PIP4K2A: variants seen among roughly 807,000 people sequenced by gnomAD.
PIP4K2A encodes phosphatidylinositol 5-phosphate 4-kinase type-2 alpha.
PIP4K2A carries 14 observed loss-of-function variants against 42.9 expected under a neutral mutation model. The ratio of observed to expected loss-of-function variants is 0.33; its 90% CI spans 0.22 to 0.51. The LOEUF (loss-of-function observed/expected upper bound fraction) is 0.51, where lower values mean the gene tolerates loss of function less well. PIP4K2A is among the 20% of genes least tolerant of loss of function. The probability of loss-of-function intolerance (pLI) is 0.97; values close to 1 mark genes in which losing one functional copy is unlikely to be tolerated. For synonymous variants in PIP4K2A, 192 were observed against 192.2 expected, an observed-to-expected ratio of 1.00 and a Z score of 0.01; for missense variants, 434 against 519.8, an observed-to-expected ratio of 0.83 and a Z score of 1.61.
At chr10:22,623,525 C>T (rs1263544119) in intron 1 of PIP4K2A, among the ~76,000 whole-genome samples, 1 of 152,062 alleles carries the variant, frequency 6.6e-6, no homozygotes, top group Non-Finnish European at 1.5e-5. Flanking sequence ...TGACGAATGC[C>T]CTCCTCAGTC....
chr10:22,617,617 T>A, intron 1 of PIP4K2A, among the ~76,000 whole-genome samples: 1 of 152,214 alleles, frequency 6.6e-6, no homozygotes, highest in East Asian at 1.9e-4. Context: ...TTAATCTGAT[T>A]ATAATGAAGA....
intron 1 of PIP4K2A, among the ~76,000 whole-genome samples, chr10:22,689,123 G>A (rs1355036008): frequency 2.0e-5 from 3 of 152,110 alleles, no homozygotes; most frequent in Non-Finnish European, 4.4e-5. Context: ...GGGTGTCGGA[G>A]GTGGGGGACT....
chr10:22,711,600 A>G (rs1349343423), intron 1 of PIP4K2A, among the ~76,000 whole-genome samples: 2 of 152,284 alleles, frequency 1.3e-5, no homozygotes, highest in African/African-American at 4.8e-5. Flanking sequence ...TAACATGCCC[A>G]AGGTCAACAG....
chr10:22,660,327 C>T (rs183488645), intron 1 of PIP4K2A, among the ~76,000 whole-genome samples: 172 of 152,034 alleles, frequency 1.1e-3, no homozygotes, highest in African/African-American at 3.8e-3. Flanking sequence ...AAAAATTAGC[C>T]GGGTGTGGAA....
At chr10:22,537,752 C>T (rs1835974428) in intron 9 of PIP4K2A, among the ~76,000 whole-genome samples, 1 of 152,218 alleles carries the variant, frequency 6.6e-6, no homozygotes. Flanking sequence ...CCCTTCGTTT[C>T]TGGACAGAGG....
chr10:22,633,170 G>T (rs1033349497), intron 1 of PIP4K2A, among the ~76,000 whole-genome samples: 1 of 152,222 alleles, frequency 6.6e-6, no homozygotes, highest in Non-Finnish European at 1.5e-5. Context: ...TGGCGCAGGG[G>T]ATTCAGATCT....
intron 4 of PIP4K2A, among the ~76,000 whole-genome samples, chr10:22,588,150 C>T (rs1291496283): frequency 6.6e-6 from 1 of 152,190 alleles, no homozygotes; most frequent in Non-Finnish European, 1.5e-5. Context: ...ACGTTTGTGT[C>T]ACCTATACAT....
At chr10:22,596,281 T>C (rs1395878280) in intron 3 of PIP4K2A, among the ~76,000 whole-genome samples, 11 of 146,590 alleles carry the variant, frequency 7.5e-5, no homozygotes, top group Non-Finnish European at 1.3e-4. Context: ...AGCATGGGCC[T>C]CGGAAGGTGA....
intron 6 of PIP4K2A, 88 bp from the exon 7 acceptor site, chr10:22,550,860 T>G (rs1836394654): frequency 1.2e-6 from 1 of 810,126 alleles, no homozygotes; most frequent in African/African-American, 1.7e-5. Flanking sequence ...ACACTGAAGT[T>G]TGCCCCTTTC....
At chr10:22,604,187 GT>G (rs1837855993) in intron 3 of PIP4K2A, among the ~76,000 whole-genome samples, 1 of 152,112 alleles carries the variant, frequency 6.6e-6, no homozygotes, top group African/African-American at 2.4e-5. Context: ...AGATACAAAT[GT>G]TTACTGAGAA....
intron 1 of PIP4K2A, among the ~76,000 whole-genome samples, chr10:22,623,479 A>G (rs1453688300): frequency 6.6e-6 from 1 of 152,204 alleles, no homozygotes; most frequent in Non-Finnish European, 1.5e-5. Context: ...TTCTCTATGT[A>G]CATTATACTA....
chr10:22,664,094 T>TATATATACAC lies in PIP4K2A; in HGVS notation c.144+50088_144+50089insGTGTATATAT, dbSNP rs1265121435. On this transcript the variant is annotated intron_variant, in intron 1 of 9. Coordinates refer to ENST00000376573, the MANE Select transcript of PIP4K2A (RefSeq NM_005028.5). The stretch of plus-strand genomic sequence containing the variant: ...ATATATACGTATATATATATACATA[T>TATATATACAC]ATATATATACATATATATATACATA... 2.3e-5 allele frequency among the ~76,000 whole-genome samples: 2 copies of TATATATACAC among 85,184 alleles called. 1 individual carries two copies. The highest frequency in any genetic ancestry group is 1.7e-4 in the African/African-American group (2 of 11,702). The allele number at this position is 85,184 out of a possible 152,430, so 55.9% of individuals were successfully genotyped here.
At chr10:22,684,931 G>T (rs547844836) in intron 1 of PIP4K2A, among the ~76,000 whole-genome samples, 4 of 152,166 alleles carry the variant, frequency 2.6e-5, no homozygotes, top group African/African-American at 9.6e-5. Flanking sequence ...TGACCATTTC[G>T]GCAAGTGTCC....
chr10:22,679,402 A>G (rs1185113997), intron 1 of PIP4K2A, among the ~76,000 whole-genome samples: 2 of 152,222 alleles, frequency 1.3e-5, no homozygotes, highest in Non-Finnish European at 2.9e-5. Flanking sequence ...CTATAAGAAG[A>G]AGGACAGACA....
At chr10:22,587,651 G>A (rs1454496072) in intron 4 of PIP4K2A, among the ~76,000 whole-genome samples, 1 of 152,140 alleles carries the variant, frequency 6.6e-6, no homozygotes, top group Admixed American at 6.5e-5. Context: ...ATCACATGAG[G>A]ACATGCCAGG....
intron 1 of PIP4K2A, among the ~76,000 whole-genome samples, chr10:22,629,742 A>C (rs1440383780): frequency 6.6e-6 from 1 of 152,136 alleles, no homozygotes; most frequent in African/African-American, 2.4e-5. Flanking sequence ...CTCTAGAGGA[A>C]ATATATTTCC....
chr10:22,697,821 A>G (rs1026055947), intron 1 of PIP4K2A, among the ~76,000 whole-genome samples: 6 of 152,132 alleles, frequency 3.9e-5, no homozygotes, highest in African/African-American at 1.2e-4. Flanking sequence ...GTCACATTAC[A>G]TTTTCTGAAA....
rs527608017 is a variant in PIP4K2A, at chr10:22,611,664, C to T, written c.145-1947G>A. Among the ~76,000 whole-genome samples the T allele has an allele frequency of 1.2e-4, 18 of 152,304 alleles. No homozygotes were observed. The South Asian group carries it at 3.7e-3, about 32-fold the overall frequency. On this transcript the variant is annotated intron_variant, in intron 1 of 9. Transcript: ENST00000376573. ...GCTTCTCCAGTTCACTTTACTCAAG[C>T]ATCTTATGATACTAAGTCATTCCCA...
intron 3 of PIP4K2A, among the ~76,000 whole-genome samples, chr10:22,594,645 C>T (rs1837591741): frequency 6.6e-6 from 1 of 152,180 alleles, no homozygotes; most frequent in African/African-American, 2.4e-5. Context: ...ATCTATCTGC[C>T]TGCCTTGGCC....
Sources: gnomAD v4.1 joint callset for allele counts (sites outside exome capture counted in the v4.1 genomes callset) on GRCh38, gnomAD v4.1.1 for gene constraint, MANE v1.5 for transcripts, NCBI Gene and HGNC (gene_info 2026-07-23, HGNC 2026-07-21) for gene names.